The following BLOC1S3 variants were observed in gnomAD, a reference collection of about 807,000 sequenced individuals.
BLOC1S3 encodes biogenesis of lysosome-related organelles complex 1 subunit 3.
Under a neutral mutation model 9.1 loss-of-function variants are expected in BLOC1S3, and 7 were observed. The observed-to-expected ratio is 0.77, with a 90% CI of 0.44 to 1.45. The LOEUF (loss-of-function observed/expected upper bound fraction) is 1.45. BLOC1S3 is among the 40% of genes most tolerant of loss of function. The probability of loss-of-function intolerance (pLI) is 0.01; values close to 1 mark genes in which losing one functional copy is unlikely to be tolerated. For synonymous variants in BLOC1S3, 145 were observed against 158.4 expected, an observed-to-expected ratio of 0.92 and a Z score of 0.64; for missense variants, 307 against 315.2, an observed-to-expected ratio of 0.97 and a Z score of 0.20.
At chr19:45,213,702 T>TG (rs1001905828) in intron 3 of BLOC1S3, among the ~76,000 whole-genome samples, 5 of 151,804 alleles carry the variant, frequency 3.3e-5, no homozygotes, top group African/African-American at 9.7e-5. Flanking sequence ...CCCAGCACTT[T>TG]GGGGGGCCAA....
At chr19:45,183,141 T>A (rs563014060), downstream of BLOC1S3, among the ~76,000 whole-genome samples, 41 of 152,024 alleles carry the variant, frequency 2.7e-4, no homozygotes, top group Non-Finnish European at 4.6e-4. Context: ...AGGGGGGTGC[T>A]GAGTGCAGTA....
chr19:45,193,088 C>A (rs973493970), intron 2 of BLOC1S3, among the ~76,000 whole-genome samples: 8 of 136,544 alleles, frequency 5.9e-5, no homozygotes, highest in Admixed American at 2.4e-4. Context: ...GCCGAGATCA[C>A]TCCATTGCAC....
chr19:45,197,824 CAAAAAAAAA>C (rs55654938), intron 2 of BLOC1S3, among the ~76,000 whole-genome samples: 1 of 63,588 alleles, frequency 1.6e-5, no homozygotes, highest in African/African-American at 6.7e-5. Context: ...GACTCCGTCT[CAAAAAAAAA>C]AAAAAAAAAA....
Position 45,197,591 on chromosome 19 carries a change from C to T in BLOC1S3, n.181-4815C>T, listed in dbSNP as rs112057898. Among the ~76,000 whole-genome samples, 1,452 of 150,720 alleles carry T rather than the reference C, an allele frequency of 9.6e-3. 27 individuals carry two copies. Among genetic ancestry groups the T allele is most frequent in the African/African-American group, 0.034 (1,389 of 41,082 alleles). ...CTGTGATCCTAGCACGTTGGGAGGC[C>T]GAGGCGGGTGGATCACCTGAGGTCA... On this transcript the variant is annotated intron_variant and non_coding_transcript_variant, in intron 2 of 3. Transcript: ENST00000591569.
chr19:45,186,139 T>G (rs1235595272), downstream of BLOC1S3, among the ~76,000 whole-genome samples: 2 of 151,946 alleles, frequency 1.3e-5, no homozygotes, highest in Non-Finnish European at 2.9e-5. Context: ...AACCTCTGGC[T>G]ACTGAGTGGA....
downstream of BLOC1S3, among the ~76,000 whole-genome samples, chr19:45,184,116 CTCCT>C (rs550926390): frequency 2.7e-4 from 41 of 152,262 alleles, no homozygotes; most frequent in South Asian, 1.2e-3. Context: ...TTTTCCCTCC[CTCCT>C]TCCTTCCTTC....
chr19:45,216,043 G>C, intron 3 of BLOC1S3: 1 of 1,610,952 alleles, frequency 6.2e-7, no homozygotes, highest in Non-Finnish European at 8.5e-7. Flanking sequence ...GCCAGGCACG[G>C]CGAGCCCTGG....
At chr19:45,198,316 G>A (rs1042923427) in intron 2 of BLOC1S3, among the ~76,000 whole-genome samples, 1 of 152,180 alleles carries the variant, frequency 6.6e-6, no homozygotes, top group African/African-American at 2.4e-5. Flanking sequence ...TGTTTTCAGA[G>A]TCTTGCTTTG....
chr19:45,179,911 A>T lies in BLOC1S3; in HGVS notation c.*6A>T, dbSNP rs376405849. On this transcript the variant is annotated 3_prime_UTR_variant, in exon 2 of 2. Transcript: ENST00000433642. The surrounding 1 kb of genome is among the most constrained non-coding windows in gnomAD (Gnocchi z 4.6). ...ACCCGGGGCCGCGGGCCTAGCCATGATTCTACTTCCCAACCTGACTGCAAT... is the reference window on the plus strand; with the variant it reads ...ACCCGGGGCCGCGGGCCTAGCCATGTTTCTACTTCCCAACCTGACTGCAAT... 7.5e-6 allele frequency: 12 copies of T among 1,606,742 alleles called. No individual in the cohort carries two copies. The African/African-American group carries it at 1.4e-4, about 18-fold the overall frequency.
downstream of BLOC1S3, among the ~76,000 whole-genome samples, chr19:45,186,703 T>TCAA (rs918532536): frequency 2.0e-5 from 3 of 152,032 alleles, no homozygotes; most frequent in South Asian, 2.1e-4. Context: ...AGACTCCGTC[T>TCAA]CAACAACAAC....
chr19:45,201,204 A>G (rs1969688468), intron 2 of BLOC1S3, among the ~76,000 whole-genome samples: 1 of 63,088 alleles, frequency 1.6e-5, no homozygotes, highest in South Asian at 3.8e-4. Context: ...CCCTGTCTCA[A>G]AAAAAAAAAA....
At position 45,216,091 on chromosome 19, in the gene BLOC1S3, C is replaced by T. The variant is rs777339452; in HGVS notation, n.283-585C>T. 2.3e-5 allele frequency: 37 copies of T among 1,613,728 alleles called. No homozygotes were observed. The highest frequency in any genetic ancestry group is 1.7e-4 in the Admixed American group (10 of 59,976). On this transcript the variant is annotated intron_variant and non_coding_transcript_variant, in intron 3 of 3. Transcript: ENST00000591569. ...GTCTCACCTGATGTCTGGGTAGTCG[C>T]GCACCAACACTCCCACCTCCACCTG...
chr19:45,189,427 CTT>C (rs35692205), intron 2 of BLOC1S3, among the ~76,000 whole-genome samples: 38 of 138,710 alleles, frequency 2.7e-4, no homozygotes, highest in Admixed American at 2.9e-4. Flanking sequence ...AGGTAGTCTT[CTT>C]TTTTTTTTTT....
At chr19:45,182,425 T>G (rs555027771), downstream of BLOC1S3, among the ~76,000 whole-genome samples, 56 of 151,816 alleles carry the variant, frequency 3.7e-4, no homozygotes, top group African/African-American at 1.3e-3. Flanking sequence ...CCCAGCACTT[T>G]GGGAGATCGA....
intron 2 of BLOC1S3, among the ~76,000 whole-genome samples, chr19:45,200,144 T>C (rs979494734): frequency 6.6e-6 from 1 of 152,012 alleles, no homozygotes; most frequent in Admixed American, 6.6e-5. Context: ...CAGAGACTGA[T>C]GCATTCTTCA....
At chr19:45,210,710 C>A (rs1005438055) in intron 3 of BLOC1S3, among the ~76,000 whole-genome samples, 1 of 152,118 alleles carries the variant, frequency 6.6e-6, no homozygotes, top group African/African-American at 2.4e-5. Flanking sequence ...TTCAGGCGAT[C>A]CTCCCACCTC....
intron 2 of BLOC1S3, among the ~76,000 whole-genome samples, chr19:45,194,190 G>A (rs962677367): frequency 3.1e-5 from 4 of 130,482 alleles, no homozygotes; most frequent in African/African-American, 1.2e-4. Context: ...TCAGCTCACT[G>A]CAACCTCTGC....
At chr19:45,193,963 C>T in intron 2 of BLOC1S3, among the ~76,000 whole-genome samples, 1 of 118,890 alleles carries the variant, frequency 8.4e-6, no homozygotes. Context: ...CCACCACGCC[C>T]AGCTAATTTT....
chr19:45,211,467 C>T (rs139289126), intron 3 of BLOC1S3, among the ~76,000 whole-genome samples: 6 of 147,832 alleles, frequency 4.1e-5, no homozygotes, highest in East Asian at 2.0e-4. Context: ...GCTGAGATCG[C>T]GCCATTGCAC....
Sources: allele counts gnomAD v4.1 joint callset (sites outside exome capture counted in the v4.1 genomes callset), GRCh38; gene constraint gnomAD v4.1.1; non-coding constraint Gnocchi (gnomAD v3.1); transcripts MANE v1.5; gene names NCBI Gene and HGNC (gene_info 2026-07-23, HGNC 2026-07-21).